Variants in GXYLT1 observed in about 807,000 individuals in gnomAD.
GXYLT1 encodes glucoside xylosyltransferase 1.
A neutral mutation model predicts 54.0 loss-of-function variants in GXYLT1; 29 were observed. That is an observed-to-expected ratio of 0.54 (90% confidence interval 0.40 to 0.73). GXYLT1 has a LOEUF of 0.73. GXYLT1 is among the 30% of genes least tolerant of loss of function. The pLI is 0.00. For missense variants in GXYLT1, 490 were observed against 553.4 expected (o/e 0.89, Z 1.15); for synonymous variants, 176 against 204.1 (o/e 0.86, Z 1.17).
intron 5 of GXYLT1, among the ~76,000 whole-genome samples, chr12:42,104,122 A>T (rs1565569066): frequency 6.6e-6 from 1 of 152,196 alleles, no homozygotes; most frequent in Non-Finnish European, 1.5e-5. Context: ...AAATAATTTT[A>T]AAAACAATGG....
chr12:42,084,181 C>A lies in GXYLT1; in HGVS notation c.*3605G>T, dbSNP rs1193798456. The A allele has an allele frequency of 6.6e-6, 1 of 152,396 alleles. No individual in the cohort carries two copies. The highest frequency in any genetic ancestry group is 1.5e-5 in the Non-Finnish European group (1 of 68,156). The allele number at this position is 152,396 out of a possible 1,614,324, so 9.4% of individuals were successfully genotyped here. Reference sequence around the variant, plus strand: ...GCTACAACTCAAAAAGTAAATGTTTCCACACCATTTCTCTCCATCTCTACT... The same window carrying A: ...GCTACAACTCAAAAAGTAAATGTTTACACACCATTTCTCTCCATCTCTACT... On this transcript the variant is annotated 3_prime_UTR_variant, in exon 8 of 8. Transcript: ENST00000398675.
rs948773535 is a variant in GXYLT1 at position 42,144,860 on chromosome 12, C to G, written c.-214G>C. 3.2e-5 allele frequency: 11 copies of G among 339,296 alleles called. No individual in the cohort carries two copies. The highest frequency in any genetic ancestry group is 5.9e-5 in the Non-Finnish European group (11 of 186,142). The allele number at this position is 339,296 out of a possible 1,614,324, so 21.0% of individuals were successfully genotyped here. ...GCCGAAGGACTACCCGCCCGGAAGC[C>G]TGGACACCGCCTCTGCCGCCGCGCG... On this transcript the variant is annotated 5_prime_UTR_variant, in exon 1 of 8. Transcript: ENST00000398675.
chr12:42,121,910 CA>C (rs972924059), intron 2 of GXYLT1, among the ~76,000 whole-genome samples: 3 of 152,012 alleles, frequency 2.0e-5, no homozygotes, highest in Non-Finnish European at 4.4e-5. Context: ...CCCCTAGACC[CA>C]AAAGACAGGA....
chr12:42,144,046 G>A (rs1369768102), intron 1 of GXYLT1, among the ~76,000 whole-genome samples: 2 of 152,206 alleles, frequency 1.3e-5, no homozygotes, highest in Non-Finnish European at 2.9e-5. Context: ...TAGGGCGCCA[G>A]CCTCATGTTT....
At chr12:42,100,314 A>T (rs889043519) in intron 5 of GXYLT1, among the ~76,000 whole-genome samples, 1 of 152,340 alleles carries the variant, frequency 6.6e-6, no homozygotes, top group Non-Finnish European at 1.5e-5. Context: ...TAAGTATAGA[A>T]ATTAAGAGTA....
chr12:42,131,017 T>C (rs2136916417), intron 1 of GXYLT1, among the ~76,000 whole-genome samples: 1 of 152,304 alleles, frequency 6.6e-6, no homozygotes, highest in South Asian at 2.1e-4. Flanking sequence ...ATCATGCTGA[T>C]ATTCACAGCC....
intron 2 of GXYLT1, among the ~76,000 whole-genome samples, chr12:42,120,239 T>C (rs2065522505): frequency 6.6e-6 from 1 of 152,216 alleles, no homozygotes; most frequent in South Asian, 2.1e-4. Context: ...CATAATTTCA[T>C]CCATAAATGT....
Position 42,081,892 on chromosome 12 carries a change from C to A in GXYLT1, c.*5894G>T, listed in dbSNP as rs1318974088. The stretch of plus-strand genomic sequence containing the variant: ...TGAGTAAATGTTTATTTAGTAACAG[C>A]AACACATAGTTTCTCAAGAAGAGGA... On this transcript the variant is annotated 3_prime_UTR_variant, in exon 8 of 8. Transcript: ENST00000398675. The A allele has an allele frequency of 6.6e-6, 1 of 152,208 alleles. No individual in the cohort carries two copies. Among genetic ancestry groups the A allele is most frequent in the Non-Finnish European group, 1.5e-5 (1 of 68,044 alleles). 9.4% of individuals were successfully genotyped at this position (152,208 alleles called of 1,614,324 possible).
At position 42,106,081 on chromosome 12, in the gene GXYLT1, G is replaced by T. The variant is rs753677591; in HGVS notation, c.613-12C>A. On this transcript the variant is annotated splice_polypyrimidine_tract_variant and intron_variant, in intron 4 of 7. Transcript: ENST00000398675. ...TCTTTCAGGATTAACTACAAGGAGA[G>T]ATATTTGAATGATTAACTATAATTC... is the stretch of plus-strand genomic sequence containing the variant. The T allele has an allele frequency of 1.4e-6, 2 of 1,428,816 alleles. No individual in the cohort carries two copies. The highest frequency in any genetic ancestry group is 2.6e-5 in the East Asian group (1 of 38,738). The allele number at this position is 1,428,816 out of a possible 1,614,324, so 88.5% of individuals were successfully genotyped here.
intron 3 of GXYLT1, among the ~76,000 whole-genome samples, chr12:42,118,597 C>T (rs1438152568): frequency 6.6e-6 from 1 of 152,200 alleles, no homozygotes; most frequent in African/African-American, 2.4e-5. Context: ...CTCTGTGTTG[C>T]CACTCAAATC....
chr12:42,087,132 G>GCA lies in GXYLT1; in HGVS notation c.*652_*653dup. 7.0e-6 allele frequency: 1 copy of GCA among 142,676 alleles called. No homozygotes were observed. Among genetic ancestry groups the GCA allele is most frequent in the East Asian group, 2.1e-4 (1 of 4,868 alleles). 8.8% of individuals were successfully genotyped at this position (142,676 alleles called of 1,614,324 possible). ...CTCACTCTCTCTCACACACAAACAC[G>GCA]CACACACAGATTAAAATCCCAAAGT... On this transcript the variant is annotated 3_prime_UTR_variant, in exon 8 of 8. Coordinates refer to ENST00000398675, the MANE Select transcript of GXYLT1 (RefSeq NM_173601.2).
At chr12:42,117,369 A>G (rs1467327613) in intron 3 of GXYLT1, among the ~76,000 whole-genome samples, 2 of 152,176 alleles carry the variant, frequency 1.3e-5, no homozygotes, top group Non-Finnish European at 2.9e-5. Flanking sequence ...ATTTTTAAAC[A>G]GTAAGAAGGT....
chr12:42,117,869 A>G (rs1008228099), intron 3 of GXYLT1, among the ~76,000 whole-genome samples: 10 of 152,232 alleles, frequency 6.6e-5, no homozygotes, highest in Admixed American at 6.5e-4. Flanking sequence ...GACTAAATTC[A>G]GACCAATGGG....
At chr12:42,107,896 A>T (rs2065430506) in intron 4 of GXYLT1, among the ~76,000 whole-genome samples, 1 of 152,212 alleles carries the variant, frequency 6.6e-6, no homozygotes, top group Non-Finnish European at 1.5e-5. Flanking sequence ...CCAGCTGGAA[A>T]TCAGACATGG....
intron 1 of GXYLT1, among the ~76,000 whole-genome samples, chr12:42,137,907 C>T (rs1421666648): frequency 1.3e-5 from 2 of 152,126 alleles, no homozygotes; most frequent in African/African-American, 4.8e-5. Context: ...AGCAAAGATG[C>T]TTACGGACAC....
At chr12:42,093,574 C>T (rs2065340219) in intron 7 of GXYLT1, among the ~76,000 whole-genome samples, 1 of 152,084 alleles carries the variant, frequency 6.6e-6, no homozygotes, top group Non-Finnish European at 1.5e-5. Context: ...TATTAGTGTA[C>T]AAATGAACTG....
chr12:42,124,188 C>T (rs1011836488), intron 2 of GXYLT1, among the ~76,000 whole-genome samples: 5 of 151,608 alleles, frequency 3.3e-5, no homozygotes, highest in Admixed American at 2.6e-4. Flanking sequence ...CAAAATAATA[C>T]AGCTAATATT....
chr12:42,093,512 C>T (rs1247087627), intron 7 of GXYLT1, among the ~76,000 whole-genome samples: 2 of 151,874 alleles, frequency 1.3e-5, no homozygotes, highest in Admixed American at 6.6e-5. Flanking sequence ...AGGGAGTAGC[C>T]CCATCAGATA....
intron 3 of GXYLT1, among the ~76,000 whole-genome samples, chr12:42,111,900 C>A (rs1310453314): frequency 6.6e-6 from 1 of 152,240 alleles, no homozygotes; most frequent in African/African-American, 2.4e-5. Flanking sequence ...TAGGGGCGGA[C>A]TGACACCTCA....
Sources: gnomAD v4.1 joint callset for allele counts (sites outside exome capture counted in the v4.1 genomes callset) on GRCh38, gnomAD v4.1.1 for gene constraint, MANE v1.5 for transcripts, NCBI Gene and HGNC (gene_info 2026-07-23, HGNC 2026-07-21) for gene names.